PUDP: variants seen among roughly 807,000 people sequenced by gnomAD.
PUDP encodes pseudouridine-5'-phosphatase.
Under a neutral mutation model 9.4 loss-of-function variants are expected in PUDP, and 8 were observed. The observed-to-expected ratio is 0.85, with a 90% CI of 0.50 to 1.53. The LOEUF is 1.53. PUDP is among the 40% of genes most tolerant of loss of function. The probability of loss-of-function intolerance (pLI) is 0.00; values close to 1 mark genes in which losing one functional copy is unlikely to be tolerated. For synonymous variants in PUDP, 99 were observed against 80.7 expected, an observed-to-expected ratio of 1.23 and a Z score of -1.22; for missense variants, 188 against 189.7, an observed-to-expected ratio of 0.99 and a Z score of 0.05.
intron 3 of PUDP, among the ~76,000 whole-genome samples, chrX:6,881,308 G>A (rs919748331): frequency 8.9e-6 from 1 of 112,188 alleles, no homozygotes; most frequent in African/African-American, 3.2e-5. Context: ...CCTAGGAAGA[G>A]CATCTTATAA....
chrX:6,797,280 CATT>C (rs1925859793), intron 3 of PUDP, among the ~76,000 whole-genome samples: 1 of 111,400 alleles, frequency 9.0e-6, no homozygotes, highest in Non-Finnish European at 1.9e-5. Context: ...AGCTTTTAAT[CATT>C]ATCATAGCTG....
chrX:7,079,969 G>C (rs1398347522), intron 2 of PUDP, among the ~76,000 whole-genome samples: 1 of 110,983 alleles, frequency 9.0e-6, no homozygotes, highest in African/African-American at 3.3e-5. Flanking sequence ...ATAAAAGGAA[G>C]GAAATAATAA....
At chrX:6,779,958 G>C (rs897996814) in intron 3 of PUDP, among the ~76,000 whole-genome samples, 2 of 110,097 alleles carry the variant, frequency 1.8e-5, no homozygotes, top group African/African-American at 6.6e-5. Context: ...AAAGTCAAGG[G>C]AAAGAAAACT....
chrX:6,780,112 GTTTGTGTATATATGTATATATACATAT>G (rs1925533296), intron 3 of PUDP, among the ~76,000 whole-genome samples: 1 of 37,694 alleles, frequency 2.7e-5, no homozygotes, highest in Non-Finnish European at 8.3e-5. Context: ...AAAATCCTTT[GTTTGTGTATATATGTATATATACATAT>G]TGTATATATA....
At chrX:7,097,028 GA>G (rs1931592769) in intron 2 of PUDP, among the ~76,000 whole-genome samples, 1 of 111,160 alleles carries the variant, frequency 9.0e-6, no homozygotes, top group South Asian at 3.8e-4. Context: ...ATCTCCTCCA[GA>G]AAAACCCTCA....
intron 3 of PUDP, among the ~76,000 whole-genome samples, chrX:6,908,546 C>T (rs1032771537): frequency 9.0e-6 from 1 of 111,661 alleles, no homozygotes; most frequent in African/African-American, 3.3e-5. Context: ...TCCAGTGGTC[C>T]TGAACTTGTG....
chrX:6,777,864 C>T (rs1451853442), intron 3 of PUDP, among the ~76,000 whole-genome samples: 2 of 111,938 alleles, frequency 1.8e-5, no homozygotes, highest in African/African-American at 6.5e-5. Context: ...ACAGGTAAGG[C>T]TATCCATTTT....
intron 3 of PUDP, among the ~76,000 whole-genome samples, chrX:6,806,916 T>C (rs1569103032): frequency 2.7e-5 from 3 of 112,216 alleles, no homozygotes; most frequent in African/African-American, 3.2e-5. Flanking sequence ...GATATGAATA[T>C]AGAATTCCAT....
chrX:6,932,305 G>T (rs1408265386), intron 3 of PUDP, among the ~76,000 whole-genome samples: 1 of 111,907 alleles, frequency 8.9e-6, no homozygotes, highest in Non-Finnish European at 1.9e-5. Context: ...CTTGCCGGGA[G>T]GGCTTCTCCT....
chrX:6,848,208 A>G (rs1448161285), intron 3 of PUDP, among the ~76,000 whole-genome samples: 3 of 112,154 alleles, frequency 2.7e-5, no homozygotes, highest in Non-Finnish European at 5.6e-5. Context: ...ACAGAGAAGC[A>G]CTTTTCACAA....
At chrX:7,041,944 C>T (rs1450384819) in intron 1 of PUDP, among the ~76,000 whole-genome samples, 4 of 107,740 alleles carry the variant, frequency 3.7e-5, no homozygotes, top group Admixed American at 2.0e-4. Flanking sequence ...AAAGATCCTC[C>T]GGCCTCATCT....
intron 3 of PUDP, among the ~76,000 whole-genome samples, chrX:6,866,734 C>T (rs866287069): frequency 5.4e-4 from 60 of 112,117 alleles, no homozygotes; most frequent in African/African-American, 1.7e-3. Context: ...ATTCTTTTGA[C>T]GACTGTGTGT....
chrX:6,721,863 A>G, upstream of PUDP, among the ~76,000 whole-genome samples: 1 of 112,110 alleles, frequency 8.9e-6, no homozygotes, highest in Admixed American at 9.5e-5. Flanking sequence ...AAGAATCGCT[A>G]ATAATATATT....
chrX:7,021,713 T>C (rs1403717368), intron 1 of PUDP, among the ~76,000 whole-genome samples: 4 of 111,724 alleles, frequency 3.6e-5, no homozygotes, highest in South Asian at 3.8e-4. Flanking sequence ...GATGTGCACA[T>C]TGGTGTTGAG....
At chrX:6,825,225 A>G (rs180730600) in intron 3 of PUDP, among the ~76,000 whole-genome samples, 58 of 111,960 alleles carry the variant, frequency 5.2e-4, no homozygotes, top group African/African-American at 1.9e-3. Context: ...AACTTGTCCC[A>G]CAAGATGGTT....
rs1131197 is a variant in PUDP, at chrX:7,105,637, G to A, written c.263C>T (p.Thr88Met). Reference sequence around the variant, plus strand: ...AACCGCACCTGGCATGAGCGCAGCCGTGGGGAACACTTCCTTTAACTTCGT... The same window carrying A: ...AACCGCACCTGGCATGAGCGCAGCCATGGGGAACACTTCCTTTAACTTCGT... ...SQTKLKEVFP[T>M]AALMPGAEKL... Residue 88 changes from threonine to methionine, a missense_variant, in exon 2 of 4, where the codon ACG (threonine) becomes ATG (methionine). Thr to Met is a moderately conservative substitution (Grantham distance 81, BLOSUM62 -1). Coordinates refer to ENST00000381077, the MANE Select transcript of PUDP (RefSeq NM_012080.5). 0.26 allele frequency: 316,944 copies of A among 1,203,236 alleles called. 29,983 individuals carry two copies. The highest frequency in any genetic ancestry group is 0.46 in the Admixed American group (20,806 of 45,089).
chrX:6,751,894 CA>C (rs2064558392), intron 3 of PUDP, among the ~76,000 whole-genome samples: 1 of 110,994 alleles, frequency 9.0e-6, no homozygotes, highest in Non-Finnish European at 1.9e-5. Context: ...TATGAGGCAG[CA>C]TCACCTGTGC....
chrX:6,941,340 TC>T (rs1480134520), intron 3 of PUDP, among the ~76,000 whole-genome samples: 2 of 82,667 alleles, frequency 2.4e-5, no homozygotes, highest in African/African-American at 4.4e-5. Context: ...TTCTTTTCTG[TC>T]TTTTTTTTTT....
intron 3 of PUDP, chrX:7,057,665 C>T: frequency 1.0e-5 from 12 of 1,144,665 alleles, no homozygotes; most frequent in Non-Finnish European, 1.4e-5. Context: ...AAGTAGAAGG[C>T]TCGGGGTCTC....
Sources: gnomAD v4.1 joint callset for allele counts (sites outside exome capture counted in the v4.1 genomes callset) on GRCh38, gnomAD v4.1.1 for gene constraint, MANE v1.5 for transcripts, NCBI Gene and HGNC (gene_info 2026-07-23, HGNC 2026-07-21) for gene names.